The following KAZN variants were observed in gnomAD, a reference collection of about 807,000 sequenced individuals.
The protein encoded by KAZN is kazrin.
Under a neutral mutation model 87.4 loss-of-function variants are expected in KAZN, and 40 were observed. The observed-to-expected ratio is 0.46, with a 90% confidence interval of 0.36 to 0.60. KAZN has a LOEUF of 0.60. Among genes scored for constraint, KAZN ranks in the 20% least tolerant of loss-of-function variants. The pLI is 0.00. For missense variants in KAZN, 898 were observed against 1,073.9 expected (o/e 0.84, Z 2.29); for synonymous variants, 466 against 458.3 (o/e 1.02, Z -0.22).
At chr1:14,672,289 G>A (rs1639963105) in intron 1 of KAZN, among the ~76,000 whole-genome samples, 1 of 152,182 alleles carries the variant, frequency 6.6e-6, no homozygotes. Context: ...TCCAAATCGA[G>A]TGGTAGGTTA....
chr1:14,729,546 C>T (rs139669856), intron 1 of KAZN, among the ~76,000 whole-genome samples: 1 of 152,278 alleles, frequency 6.6e-6, no homozygotes, highest in East Asian at 1.9e-4. Context: ...CAGGGAATTC[C>T]AGAATGGGAA....
At chr1:14,041,103 G>A (rs568437857) in intron 1 of KAZN, among the ~76,000 whole-genome samples, 42 of 152,270 alleles carry the variant, frequency 2.8e-4, no homozygotes, top group African/African-American at 9.6e-4. Context: ...TCTTTTAGCT[G>A]TTTCTTCTGG....
At chr1:14,370,277 T>C (rs1235797695) in intron 2 of KAZN, among the ~76,000 whole-genome samples, 3 of 151,924 alleles carry the variant, frequency 2.0e-5, no homozygotes, top group Non-Finnish European at 4.4e-5. Context: ...CTGGGTAGGG[T>C]GGAGGGTGGG....
At chr1:14,026,642 G>A (rs1641084717) in intron 1 of KAZN, among the ~76,000 whole-genome samples, 1 of 151,904 alleles carries the variant, frequency 6.6e-6, no homozygotes, top group Non-Finnish European at 1.5e-5. Flanking sequence ...AGCCTTTAAT[G>A]TGCTTAGGAA....
Position 14,841,231 on chromosome 1 carries a change from C to T in KAZN, c.227-119453C>T, listed in dbSNP as rs182134272. Among the ~76,000 whole-genome samples, 7 of 151,726 alleles carry T rather than the reference C, an allele frequency of 4.6e-5. No individual in the cohort carries two copies. In the East Asian group the frequency reaches 1.4e-3, roughly 30 times the overall value. Reference sequence around the variant, plus strand: ...AGGAGATCGAGAACACGTTGAAACCCCGTCTCTACTAAAAATGCAAAAAGT... The same window carrying T: ...AGGAGATCGAGAACACGTTGAAACCTCGTCTCTACTAAAAATGCAAAAAGT... On this transcript the variant is annotated intron_variant, in intron 1 of 14. Transcript: ENST00000376030.
intron 2 of KAZN, among the ~76,000 whole-genome samples, chr1:14,253,633 T>C (rs947868551): frequency 1.3e-5 from 2 of 152,136 alleles, no homozygotes; most frequent in African/African-American, 4.8e-5. Context: ...TCTTTCTTCT[T>C]TCCTTTCCAG....
At chr1:14,931,457 AAGAG>A (rs1175617862) in intron 1 of KAZN, among the ~76,000 whole-genome samples, 2 of 152,010 alleles carry the variant, frequency 1.3e-5, no homozygotes, top group Non-Finnish European at 2.9e-5. Flanking sequence ...TTTAAAAAAA[AAGAG>A]AGAAGTCATG....
chr1:14,763,121 G>A (rs372399715), intron 1 of KAZN, among the ~76,000 whole-genome samples: 5 of 152,286 alleles, frequency 3.3e-5, no homozygotes, highest in Middle Eastern at 3.4e-3. Context: ...GAGAGGTATG[G>A]TGTGGCCAAT....
At chr1:14,929,915 T>G (rs761056095) in intron 1 of KAZN, 11 of 985,338 alleles carry the variant, frequency 1.1e-5, no homozygotes, top group Non-Finnish European at 1.3e-5. Flanking sequence ...TTTGGATGCC[T>G]TCAAGAGAGG....
intron 1 of KAZN, among the ~76,000 whole-genome samples, chr1:14,664,082 TTA>T (rs1639357670): frequency 1.3e-5 from 2 of 152,184 alleles, no homozygotes; most frequent in Admixed American, 1.3e-4. Flanking sequence ...AAGACAAATA[TTA>T]TATGATTCCA....
At chr1:15,065,840 G>T in intron 8 of KAZN, 87 bp downstream of exon 8, 1 of 1,573,474 alleles carries the variant, frequency 6.4e-7, no homozygotes. Context: ...GTGTCTGTGC[G>T]TGTGGGCGTG....
chr1:14,254,079 C>T (rs1312345974), intron 2 of KAZN, among the ~76,000 whole-genome samples: 1 of 151,984 alleles, frequency 6.6e-6, no homozygotes, highest in Non-Finnish European at 1.5e-5. Context: ...AAAATCTGTT[C>T]TATCTGATCT....
chr1:14,544,350 CTT>C lies in KAZN; in HGVS notation c.250-54615_250-54614del, dbSNP rs374148415. Among the ~76,000 whole-genome samples the C allele has an allele frequency of 9.6e-3, 942 of 98,104 alleles. 6 individuals carry two copies. The highest frequency in any genetic ancestry group is 0.03 in the African/African-American group (762 of 25,340). The allele number at this position is 98,104 out of a possible 152,430, so 64.4% of individuals were successfully genotyped here. Reference sequence around the variant, plus strand: ...TTTTTTTCTTTTTCTTTCTTTCTTTCTTTTTTTTTTTTTTTTTTTGGTCTTTT... The same window carrying C: ...TTTTTTTCTTTTTCTTTCTTTCTTTCTTTTTTTTTTTTTTTTTGGTCTTTT... On this transcript the variant is annotated intron_variant, in intron 2 of 16. Coordinates refer to the KAZN transcript ENST00000636203.
intron 8 of KAZN, among the ~76,000 whole-genome samples, chr1:15,082,723 C>T (rs573792023): frequency 3.3e-5 from 5 of 152,300 alleles, no homozygotes; most frequent in East Asian, 1.9e-4. Context: ...GACGGAGTCT[C>T]GCTCTGTCGC....
intron 1 of KAZN, among the ~76,000 whole-genome samples, chr1:13,901,433 G>A (rs893353241): frequency 1.3e-5 from 2 of 152,192 alleles, no homozygotes; most frequent in Admixed American, 1.3e-4. Context: ...ACAAGGGGCC[G>A]GACAGGTCAG....
chr1:14,147,264 G>A (rs1265969088), intron 1 of KAZN, among the ~76,000 whole-genome samples: 2 of 152,114 alleles, frequency 1.3e-5, no homozygotes, highest in African/African-American at 4.8e-5. Flanking sequence ...TCCACTGCAA[G>A]GGGGTTTTGT....
At chr1:14,785,319 C>T (rs1319190551) in intron 1 of KAZN, among the ~76,000 whole-genome samples, 2 of 152,142 alleles carry the variant, frequency 1.3e-5, no homozygotes, top group Non-Finnish European at 2.9e-5. Flanking sequence ...CTCAGTGTCT[C>T]TCAGTTCAGG....
chr1:14,234,947 T>C (rs1648261953), intron 2 of KAZN, among the ~76,000 whole-genome samples: 1 of 152,226 alleles, frequency 6.6e-6, no homozygotes, highest in African/African-American at 2.4e-5. Context: ...AATTACAAAA[T>C]GATGCAGCCA....
intron 1 of KAZN, among the ~76,000 whole-genome samples, chr1:14,911,500 G>T (rs576353755): frequency 6.6e-6 from 1 of 152,186 alleles, no homozygotes; most frequent in Non-Finnish European, 1.5e-5. Context: ...CTGCATTTCC[G>T]AGTGGGAAGT....
Sources: gnomAD v4.1 joint callset for allele counts (sites outside exome capture counted in the v4.1 genomes callset) on GRCh38, gnomAD v4.1.1 for gene constraint, MANE v1.5 for transcripts, NCBI Gene and HGNC (gene_info 2026-07-23, HGNC 2026-07-21) for gene names.